Variants in RASSF6 observed in about 807,000 individuals in gnomAD.
RASSF6 encodes Ras association domain family member 6.
A neutral mutation model predicts 44.0 loss-of-function variants in RASSF6; 52 were observed. The ratio of observed to expected loss-of-function variants is 1.18; its 90% CI spans 0.95 to 1.49. The LOEUF (loss-of-function observed/expected upper bound fraction) is 1.49, where lower values mean the gene tolerates loss of function less well. RASSF6 is among the 40% of genes most tolerant of loss of function. RASSF6 has a pLI of 0.00. For synonymous variants in RASSF6, 162 were observed against 124.6 expected (o/e 1.30, Z -2.00); for missense variants, 464 against 393.3 (o/e 1.18, Z -1.52).
intron 4 of RASSF6, among the ~76,000 whole-genome samples, chr4:73,589,575 T>C (rs1724364436): frequency 6.6e-6 from 1 of 152,030 alleles, no homozygotes; most frequent in African/African-American, 2.4e-5. Flanking sequence ...ATATATTCTG[T>C]GTTTGGCCCC....
intron 4 of RASSF6, among the ~76,000 whole-genome samples, chr4:73,589,642 A>G (rs1724371967): frequency 6.6e-6 from 1 of 152,088 alleles, no homozygotes; most frequent in Non-Finnish European, 1.5e-5. Context: ...TGGATTGTGT[A>G]ATTTGAAGCA....
At chr4:73,590,520 G>A (rs1008306543) in intron 4 of RASSF6, among the ~76,000 whole-genome samples, 4 of 152,158 alleles carry the variant, frequency 2.6e-5, no homozygotes, top group African/African-American at 9.7e-5. Context: ...TAAAATAGAT[G>A]TTATCTTAAA....
chr4:73,607,742 A>AT (rs1725737534), intron 2 of RASSF6, among the ~76,000 whole-genome samples: 1 of 104 alleles, frequency 9.6e-3, no homozygotes, highest in African/African-American at 0.012. Flanking sequence ...AGAACCCTCC[A>AT]GGTGGTTCTG....
Position 73,573,959 on chromosome 4 carries a change from G to C in RASSF6, c.*2276C>G, listed in dbSNP as rs933221178. The C allele has an allele frequency of 1.3e-5, 2 of 152,274 alleles. No individual in the cohort carries two copies. Among genetic ancestry groups the C allele is most frequent in the African/African-American group, 4.8e-5 (2 of 41,448 alleles). 9.4% of individuals were successfully genotyped at this position (152,274 alleles called of 1,614,324 possible). A position where few individuals can be genotyped will look rare whatever the true frequency, so the allele number is the denominator to read the frequency against. ...TCCAGGCTGACAGGCCAGGCTACTG[G>C]AGAGCAGGCTTTTTTCCTTCACTAC... On this transcript the variant is annotated 3_prime_UTR_variant, in exon 11 of 11. Coordinates refer to ENST00000307439, the MANE Select transcript of RASSF6 (RefSeq NM_177532.5).
At chr4:73,581,392 G>A (rs1745299) in intron 8 of RASSF6, among the ~76,000 whole-genome samples, 5 of 152,040 alleles carry the variant, frequency 3.3e-5, no homozygotes, top group South Asian at 4.1e-4. Context: ...TAGCACTCCC[G>A]CAATGTGTCA....
chr4:73,576,144 T>C lies in RASSF6; in HGVS notation c.*91A>G. ...TCTACGATTCAAGTCTCATATATGT[T>C]CGTATAAATGCAAGTACAGAACTTA... On this transcript the variant is annotated 3_prime_UTR_variant, in exon 11 of 11. Transcript: ENST00000307439. The C allele has an allele frequency of 1.5e-6, 1 of 676,132 alleles. No individual in the cohort carries two copies. Among genetic ancestry groups the C allele is most frequent in the Non-Finnish European group, 2.5e-6 (1 of 403,580 alleles). The allele number at this position is 676,132 out of a possible 1,614,324, so 41.9% of individuals were successfully genotyped here.
chr4:73,606,637 T>G (rs907166969), intron 2 of RASSF6, among the ~76,000 whole-genome samples: 1 of 21,692 alleles, frequency 4.6e-5, no homozygotes, highest in Non-Finnish European at 1.0e-4. Context: ...ACAAGCCTTA[T>G]AGTTTTTTTT....
intron 1 of RASSF6, among the ~76,000 whole-genome samples, chr4:73,614,653 T>C (rs914207988): frequency 6.6e-6 from 1 of 152,202 alleles, no homozygotes; most frequent in Non-Finnish European, 1.5e-5. Flanking sequence ...TCATAAGAAA[T>C]ATCAAAGATA....
chr4:73,598,568 T>TTGTGTGTG (rs10632092), intron 3 of RASSF6, 72 bp downstream of exon 3: 20 of 515,904 alleles, frequency 3.9e-5, no homozygotes, highest in African/African-American at 3.7e-4. Context: ...TCTTCCAGAA[T>TTGTGTGTG]TGTGTGTGTG....
chr4:73,582,859 C>CAT (rs1723783216), intron 6 of RASSF6, among the ~76,000 whole-genome samples: 1 of 151,790 alleles, frequency 6.6e-6, no homozygotes, highest in Admixed American at 6.6e-5. Flanking sequence ...CACACACACA[C>CAT]GGCATTTGTG....
intron 2 of RASSF6, among the ~76,000 whole-genome samples, chr4:73,602,009 A>G (rs963189489): frequency 1.3e-5 from 2 of 152,216 alleles, no homozygotes; most frequent in African/African-American, 2.4e-5. Context: ...TTGGTTGGTG[A>G]GAATTAAACA....
intron 5 of RASSF6, among the ~76,000 whole-genome samples, chr4:73,585,984 TC>T (rs1196635060): frequency 1.4e-5 from 1 of 73,162 alleles, no homozygotes; most frequent in Non-Finnish European, 2.4e-5. Flanking sequence ...CCCTCCCCCC[TC>T]CCCCCACCCC....
At chr4:73,611,346 A>G (rs565417086) in intron 2 of RASSF6, among the ~76,000 whole-genome samples, 9 of 152,294 alleles carry the variant, frequency 5.9e-5, no homozygotes, top group Non-Finnish European at 1.0e-4. Flanking sequence ...CAGTAAAAAT[A>G]AAGTGTCATG....
At chr4:73,580,786 T>C (rs544243024) in intron 8 of RASSF6, among the ~76,000 whole-genome samples, 2 of 85,858 alleles carry the variant, frequency 2.3e-5, no homozygotes, top group African/African-American at 6.8e-5. Flanking sequence ...CTTTGTCAGA[T>C]GAGTAGGTTG....
chr4:73,605,685 A>G (rs1265090584), intron 2 of RASSF6, among the ~76,000 whole-genome samples: 2 of 151,702 alleles, frequency 1.3e-5, no homozygotes, highest in Non-Finnish European at 2.9e-5. Context: ...GCAAAAATGC[A>G]AACCCTGAAT....
rs1725962263 is a variant in RASSF6 at position 73,610,875 on chromosome 4, C to T, written c.65+856G>A. The stretch of plus-strand genomic sequence containing the variant: ...ACTGAATGCTCAGGGTCCAAAAATA[C>T]ACCTGCTCACAGTGAGTAATCAGTA... On this transcript the variant is annotated intron_variant, in intron 2 of 10. Coordinates refer to ENST00000307439, the MANE Select transcript of RASSF6 (RefSeq NM_177532.5). Among the ~76,000 whole-genome samples the T allele has an allele frequency of 2.0e-5, 3 of 152,182 alleles. No individual in the cohort carries two copies. In the South Asian group the frequency reaches 6.2e-4, roughly 32 times the overall value.
Position 73,581,840 on chromosome 4 carries a change from A to G in RASSF6, c.698T>C (p.Leu233Pro), listed in dbSNP as rs762268760. 2 of 1,610,440 alleles carry G rather than the reference A, an allele frequency of 1.2e-6. No individual in the cohort carries two copies. Among genetic ancestry groups the G allele is most frequent in the Non-Finnish European group, 1.7e-6 (2 of 1,177,182 alleles). Residue 233 changes from leucine to proline, a missense_variant, in exon 8 of 11, where the codon CTT becomes CCT. Leu to Pro is a moderately conservative substitution (Grantham distance 98). Coordinates refer to ENST00000307439, the MANE Select transcript of RASSF6 (RefSeq NM_177532.5). The stretch of plus-strand genomic sequence containing the variant: ...ACCTCCTGTTGCAAAAATAATGTGA[A>G]GAGCAAAATCCTGGGGACTATTTTC... ...KIENSPQDFA[L>P]HIIFATGEQR...
intron 3 of RASSF6, among the ~76,000 whole-genome samples, chr4:73,597,362 T>G (rs55678226): frequency 0.013 from 1,949 of 152,060 alleles, 39 homozygotes; most frequent in African/African-American, 0.043. Context: ...TGGCCAGCAA[T>G]CATATGAAAA....
Position 73,573,488 on chromosome 4 carries a change from T to G in RASSF6, c.*2747A>C, listed in dbSNP as rs1023190862. The G allele has an allele frequency of 6.6e-6, 1 of 152,192 alleles. No individual in the cohort carries two copies. Among genetic ancestry groups the G allele is most frequent in the African/African-American group, 2.4e-5 (1 of 41,448 alleles). The allele number at this position is 152,192 out of a possible 1,614,324, so 9.4% of individuals were successfully genotyped here. A position where few individuals can be genotyped will look rare whatever the true frequency, so the allele number is the denominator to read the frequency against. ...AACATTTAGGCTTTTTATTTCCTTT[T>G]GTCACAATAAATAACAATATAAAAC... is the stretch of plus-strand genomic sequence containing the variant. On this transcript the variant is annotated 3_prime_UTR_variant, in exon 11 of 11. Transcript: ENST00000307439.
Sources: allele counts gnomAD v4.1 joint callset (sites outside exome capture counted in the v4.1 genomes callset), GRCh38; gene constraint gnomAD v4.1.1; transcripts MANE v1.5; gene names NCBI Gene and HGNC (gene_info 2026-07-23, HGNC 2026-07-21).